Variants in PPARGC1A observed in about 807,000 individuals in gnomAD.
PPARGC1A encodes peroxisome proliferator-activated receptor gamma coactivator 1-alpha.
PPARGC1A carries 25 observed loss-of-function variants against 88.7 expected under a neutral mutation model. The ratio of observed to expected loss-of-function variants is 0.28; its 90% confidence interval spans 0.21 to 0.39. PPARGC1A has a LOEUF of 0.39. Ranked by LOEUF, PPARGC1A falls within the 10% of genes least tolerant of loss-of-function variation. PPARGC1A has a pLI of 1.00. For missense variants in PPARGC1A, 880 were observed against 968.7 expected (o/e 0.91, Z 1.22); for synonymous variants, 363 against 355.6 (o/e 1.02, Z -0.24).
the PPARGC1A span, among the ~76,000 whole-genome samples, chr4:24,157,567 C>T: frequency 4.9e-4 from 74 of 152,166 alleles, no homozygotes; most frequent in Non-Finnish European, 8.1e-4. Flanking sequence ...AACTTGACCA[C>T]AAGTGTCTCC....
At chr4:24,194,622 A>ACGCGCGCGCACGCG in the PPARGC1A span, among the ~76,000 whole-genome samples, 1 of 38,576 alleles carries the variant, frequency 2.6e-5, no homozygotes, top group African/African-American at 6.8e-5. Context: ...ACGCGCGCGC[A>ACGCGCGCGCACGCG]CGCGCGCGCA....
At chr4:24,204,407 A>G in the PPARGC1A span, among the ~76,000 whole-genome samples, 3 of 152,096 alleles carry the variant, frequency 2.0e-5, no homozygotes, top group African/African-American at 7.2e-5. Flanking sequence ...TAGTACCTGC[A>G]TAATAAGTAT....
chr4:24,192,864 AATG>A, the PPARGC1A span, among the ~76,000 whole-genome samples: 1 of 152,248 alleles, frequency 6.6e-6, no homozygotes, highest in African/African-American at 2.4e-5. Flanking sequence ...AGATCTTTAC[AATG>A]ATAAGTTAAA....
the PPARGC1A span, among the ~76,000 whole-genome samples, chr4:24,200,273 G>T: frequency 6.6e-5 from 10 of 152,174 alleles, no homozygotes; most frequent in East Asian, 1.4e-3. Context: ...CATTTTGGGA[G>T]GCCAAGGCAG....
At position 23,793,840 on chromosome 4, in the gene PPARGC1A, C is replaced by T. The variant is rs1201132512; in HGVS notation, c.*1982G>A. ...CAAAAGCTGAATTTCCCAAATGAAG[C>T]ACTTACACTCCAACCTGACAATTGT... On this transcript the variant is annotated 3_prime_UTR_variant, in exon 13 of 13. Coordinates refer to ENST00000264867, the MANE Select transcript of PPARGC1A (RefSeq NM_013261.5). 6.6e-6 allele frequency: 1 copy of T among 152,310 alleles called. No individual in the cohort carries two copies. Among genetic ancestry groups the T allele is most frequent in the African/African-American group, 2.4e-5 (1 of 41,446 alleles). 9.4% of individuals were successfully genotyped at this position (152,310 alleles called of 1,614,324 possible).
chr4:24,047,271 ATAT>A, the PPARGC1A span, among the ~76,000 whole-genome samples: 1 of 152,138 alleles, frequency 6.6e-6, no homozygotes, highest in East Asian at 1.9e-4. Flanking sequence ...ACTGCTTGAC[ATAT>A]TATGTATTTA....
the PPARGC1A span, among the ~76,000 whole-genome samples, chr4:24,444,712 A>G: frequency 3.3e-5 from 5 of 152,206 alleles, no homozygotes; most frequent in Admixed American, 1.3e-4. Context: ...ATTCTGGGAT[A>G]GTAGCCTGAG....
the PPARGC1A span, among the ~76,000 whole-genome samples, chr4:24,160,514 AC>A: frequency 6.6e-6 from 1 of 152,166 alleles, no homozygotes; most frequent in African/African-American, 2.4e-5. Context: ...GGACATCAAG[AC>A]TGCTGCATGC....
the PPARGC1A span, among the ~76,000 whole-genome samples, chr4:24,387,747 A>G: frequency 2.2e-5 from 1 of 44,638 alleles, no homozygotes; most frequent in South Asian, 9.1e-4. Context: ...AAAGAAAGAA[A>G]GAGAGAGAGA....
chr4:24,141,600 C>T, the PPARGC1A span, among the ~76,000 whole-genome samples: 1 of 152,312 alleles, frequency 6.6e-6, no homozygotes, highest in East Asian at 1.9e-4. Context: ...GCATGCTTCC[C>T]CCCTTCCAAT....
chr4:23,980,675 G>A, the PPARGC1A span, among the ~76,000 whole-genome samples: 42 of 152,104 alleles, frequency 2.8e-4, no homozygotes, highest in Non-Finnish European at 5.7e-4. Context: ...GCAGCTCAGC[G>A]GGGACCCAAG....
chr4:24,280,077 G>A, the PPARGC1A span, among the ~76,000 whole-genome samples: 719 of 152,206 alleles, frequency 4.7e-3, 7 homozygotes, highest in African/African-American at 0.017. Context: ...CTGCCCTGAT[G>A]CATCCCAGCC....
the PPARGC1A span, among the ~76,000 whole-genome samples, chr4:23,996,841 C>G: frequency 6.6e-6 from 1 of 152,162 alleles, no homozygotes; most frequent in Non-Finnish European, 1.5e-5. Context: ...TAACAAAAAC[C>G]GGTGGCCAAG....
chr4:23,884,699 C>T lies in PPARGC1A; in HGVS notation c.234+53G>A, dbSNP rs60876252. ...CATTCAGGTCTATTACCATGTTAGT[C>T]GGGCCCAAGCCAAACTCAATGAAAA... On this transcript the variant is annotated intron_variant, in intron 2 of 12. Transcript: ENST00000264867. The T allele has an allele frequency of 5.7e-4, 871 of 1,520,440 alleles. 6 individuals carry two copies. In the African/African-American group the frequency reaches 0.01, roughly 18 times the overall value. The allele number at this position is 1,520,440 out of a possible 1,614,324, so 94.2% of individuals were successfully genotyped here.
the PPARGC1A span, among the ~76,000 whole-genome samples, chr4:23,930,772 G>C: frequency 6.6e-6 from 1 of 152,296 alleles, no homozygotes; most frequent in Non-Finnish European, 1.5e-5. Flanking sequence ...GTTAATATAA[G>C]CTGCACAGTG....
chr4:24,026,185 T>G, the PPARGC1A span, among the ~76,000 whole-genome samples: 206 of 152,304 alleles, frequency 1.4e-3, 1 homozygote, highest in African/African-American at 4.7e-3. Flanking sequence ...AACCAACTTT[T>G]CCTTACAGTG....
At chr4:24,429,730 T>C in the PPARGC1A span, among the ~76,000 whole-genome samples, 2 of 150,992 alleles carry the variant, frequency 1.3e-5, no homozygotes, top group South Asian at 2.1e-4. Context: ...TGGCTCACTG[T>C]AATCTCTGCA....
At chr4:23,980,245 A>G in the PPARGC1A span, among the ~76,000 whole-genome samples, 1 of 151,400 alleles carries the variant, frequency 6.6e-6, no homozygotes. Flanking sequence ...TTTTCTTCCA[A>G]ACTTGTATTT....
chr4:23,942,223 C>T, the PPARGC1A span, among the ~76,000 whole-genome samples: 1 of 152,140 alleles, frequency 6.6e-6, no homozygotes, highest in East Asian at 1.9e-4. Flanking sequence ...GGCCTCTAAG[C>T]AGGGAGTAAT....
Sources: gnomAD v4.1 joint callset for allele counts (sites outside exome capture counted in the v4.1 genomes callset) on GRCh38, gnomAD v4.1.1 for gene constraint, MANE v1.5 for transcripts, NCBI Gene and HGNC (gene_info 2026-07-23, HGNC 2026-07-21) for gene names.